Variants in CHD6 observed in about 807,000 individuals in gnomAD.
The protein encoded by CHD6 is ATP-dependent chromatin remodeler CHD6.
CHD6 carries 50 observed loss-of-function variants against 276.9 expected under a neutral mutation model. The observed-to-expected ratio is 0.18, with a 90% CI of 0.14 to 0.23. The LOEUF (loss-of-function observed/expected upper bound fraction) is 0.23. Ranked by LOEUF, CHD6 falls within the 10% of genes least tolerant of loss-of-function variation. CHD6 has a pLI of 1.00. For synonymous variants in CHD6, 1,173 were observed against 1,229.3 expected, an observed-to-expected ratio of 0.95 and a Z score of 0.96; for missense variants, 2,564 against 3,365.8, an observed-to-expected ratio of 0.76 and a Z score of 5.89.
chr20:41,501,343 C>T (rs2043825099), intron 5 of CHD6, among the ~76,000 whole-genome samples: 1 of 152,146 alleles, frequency 6.6e-6, no homozygotes, highest in African/African-American at 2.4e-5. Flanking sequence ...CAGAAATGCA[C>T]CTATATAACT....
intron 36 of CHD6, among the ~76,000 whole-genome samples, chr20:41,405,848 T>C (rs2046660814): frequency 6.6e-6 from 1 of 152,100 alleles, no homozygotes; most frequent in Non-Finnish European, 1.5e-5. Flanking sequence ...GGTGAGACTG[T>C]TATGGCTGAG....
At chr20:41,557,906 T>C (rs1017416805) in intron 1 of CHD6, among the ~76,000 whole-genome samples, 2 of 152,160 alleles carry the variant, frequency 1.3e-5, no homozygotes, top group Admixed American at 6.5e-5. Context: ...ATCCTCAACC[T>C]TGAGATTGTT....
chr20:41,491,562 G>T, intron 11 of CHD6, 136 bp downstream of exon 11: 1 of 878,090 alleles, frequency 1.1e-6, no homozygotes, highest in Non-Finnish European at 1.8e-6. Flanking sequence ...GATGATTAAT[G>T]TGCAAAGACT....
intron 2 of CHD6, among the ~76,000 whole-genome samples, chr20:41,544,030 A>C (rs550033483): frequency 6.6e-6 from 1 of 152,292 alleles, no homozygotes; most frequent in South Asian, 2.1e-4. Flanking sequence ...GCCTGAGCTC[A>C]GAAGTTTGAG....
chr20:41,527,976 C>G (rs569010133), intron 3 of CHD6, among the ~76,000 whole-genome samples: 85 of 152,294 alleles, frequency 5.6e-4, no homozygotes, highest in Middle Eastern at 6.8e-3. Context: ...CACACAGGTC[C>G]TCCCCAGATT....
intron 31 of CHD6, 114 bp downstream of exon 31, chr20:41,420,394 G>C (rs1205627186): frequency 8.7e-7 from 1 of 1,146,382 alleles, no homozygotes; most frequent in African/African-American, 1.6e-5. Context: ...GTGAGGGTAG[G>C]CAGGTCTGTT....
intron 16 of CHD6, among the ~76,000 whole-genome samples, chr20:41,482,114 A>C (rs546924335): frequency 2.0e-5 from 3 of 152,236 alleles, no homozygotes; most frequent in Non-Finnish European, 4.4e-5. Context: ...GTACTTACCA[A>C]AAGTCTGTTA....
intron 1 of CHD6, among the ~76,000 whole-genome samples, chr20:41,553,258 A>C (rs1453763818): frequency 6.6e-6 from 1 of 152,238 alleles, no homozygotes; most frequent in Non-Finnish European, 1.5e-5. Context: ...GAAAGTAAAG[A>C]GTTTCCTCTT....
chr20:41,597,989 G>A lies in CHD6; in HGVS notation c.-24+20351C>T, dbSNP rs938225377. 4.6e-5 allele frequency among the ~76,000 whole-genome samples: 7 copies of A among 152,058 alleles called. No individual in the cohort carries two copies. In the East Asian group the frequency reaches 5.8e-4, roughly 13 times the overall value. ...GAATCCCGTCCTCTGCAAACAGAGC[G>A]TCTCTGCCATAGCTGGTCCAATGTT... On this transcript the variant is annotated intron_variant, in intron 1 of 36. Transcript: ENST00000373233.
intron 3 of CHD6, among the ~76,000 whole-genome samples, chr20:41,519,469 G>A (rs951827095): frequency 2.6e-5 from 4 of 152,064 alleles, no homozygotes; most frequent in African/African-American, 9.7e-5. Context: ...GTAAAATAAT[G>A]AAAACTACCT....
At chr20:41,590,803 G>A (rs551364360) in intron 1 of CHD6, among the ~76,000 whole-genome samples, 12 of 151,846 alleles carry the variant, frequency 7.9e-5, no homozygotes, top group Middle Eastern at 3.4e-3. Flanking sequence ...ACAGTGTGGC[G>A]ATTCCTCAGG....
chr20:41,512,126 C>T (rs1246327638), intron 5 of CHD6, among the ~76,000 whole-genome samples: 1 of 133,940 alleles, frequency 7.5e-6, no homozygotes, highest in Non-Finnish European at 1.5e-5. Flanking sequence ...CACCACCATG[C>T]CCAGCTAATT....
At chr20:41,443,272 C>G (rs1200889330) in intron 25 of CHD6, among the ~76,000 whole-genome samples, 1 of 152,204 alleles carries the variant, frequency 6.6e-6, no homozygotes. Flanking sequence ...CTGACTCTAT[C>G]TCCAATATGA....
At chr20:41,616,042 T>A (rs1359803513) in intron 1 of CHD6, among the ~76,000 whole-genome samples, 1 of 152,236 alleles carries the variant, frequency 6.6e-6, no homozygotes, top group Non-Finnish European at 1.5e-5. Context: ...TGCTTCAGGT[T>A]TTCTTTGGTA....
At chr20:41,512,521 TC>T (rs139626790) in intron 5 of CHD6, among the ~76,000 whole-genome samples, 5,757 of 151,460 alleles carry the variant, frequency 0.038, 122 homozygotes, top group Middle Eastern at 0.071. Flanking sequence ...GAGGCAAAGG[TC>T]TATGGGTAGA....
chr20:41,405,706 C>T (rs1276038013), intron 36 of CHD6, among the ~76,000 whole-genome samples: 8 of 152,206 alleles, frequency 5.3e-5, no homozygotes, highest in African/African-American at 1.9e-4. Flanking sequence ...GTGGCATGGG[C>T]ACAACTAGGG....
intron 3 of CHD6, among the ~76,000 whole-genome samples, chr20:41,519,094 C>A (rs2044321768): frequency 6.6e-6 from 1 of 152,130 alleles, no homozygotes; most frequent in South Asian, 2.1e-4. Context: ...CCAGCCTGGG[C>A]AATATGGCGA....
chr20:41,481,638 T>C (rs2043297696), intron 16 of CHD6, among the ~76,000 whole-genome samples: 1 of 152,078 alleles, frequency 6.6e-6, no homozygotes, highest in Non-Finnish European at 1.5e-5. Context: ...AGAGGGCATT[T>C]TGGAAATACT....
At chr20:41,521,339 G>C (rs549041161) in intron 3 of CHD6, among the ~76,000 whole-genome samples, 4 of 152,262 alleles carry the variant, frequency 2.6e-5, no homozygotes, top group African/African-American at 7.2e-5. Context: ...TAGTTAAATG[G>C]TGAAGTGACT....
Sources: gnomAD v4.1 joint callset for allele counts (sites outside exome capture counted in the v4.1 genomes callset) on GRCh38, gnomAD v4.1.1 for gene constraint, MANE v1.5 for transcripts, NCBI Gene and HGNC (gene_info 2026-07-23, HGNC 2026-07-21) for gene names.